The following THRB variants were observed in gnomAD, a reference collection of about 807,000 sequenced individuals.
THRB encodes thyroid hormone receptor beta, also known as nuclear receptor subfamily 1 group A member 2.
THRB carries 12 observed loss-of-function variants against 47.8 expected under a neutral mutation model. That is an observed-to-expected ratio of 0.25 (90% CI 0.16 to 0.41). THRB has a LOEUF of 0.41. Ranked by LOEUF, THRB falls within the 10% of genes least tolerant of loss-of-function variation. THRB has a pLI of 1.00. For synonymous variants in THRB, 218 were observed against 212.2 expected, an observed-to-expected ratio of 1.03 and a Z score of -0.24; for missense variants, 348 against 589.2, an observed-to-expected ratio of 0.59 and a Z score of 4.24.
intron 2 of THRB, among the ~76,000 whole-genome samples, chr3:24,320,775 G>C (rs2058434285): frequency 6.6e-6 from 1 of 152,178 alleles, no homozygotes; most frequent in Non-Finnish European, 1.5e-5. Context: ...GTGACTCATT[G>C]AACTTACCCA....
At chr3:24,276,350 C>T (rs1047545449) in intron 3 of THRB, among the ~76,000 whole-genome samples, 1 of 152,168 alleles carries the variant, frequency 6.6e-6, no homozygotes, top group Admixed American at 6.6e-5. Flanking sequence ...ATCGTGAATG[C>T]ATTCACCAAA....
intron 1 of THRB, among the ~76,000 whole-genome samples, chr3:24,417,114 A>C (rs2068806949): frequency 6.6e-6 from 1 of 151,124 alleles, no homozygotes; most frequent in African/African-American, 2.4e-5. Context: ...ACACACACAC[A>C]CACACACACA....
At chr3:24,168,815 A>G (rs1024431300) in intron 5 of THRB, among the ~76,000 whole-genome samples, 4 of 151,594 alleles carry the variant, frequency 2.6e-5, no homozygotes, top group Non-Finnish European at 5.9e-5. Context: ...AGGCAGCACA[A>G]AAGGAGGCAC....
At chr3:24,221,886 T>C (rs1322450177) in intron 4 of THRB, among the ~76,000 whole-genome samples, 6 of 152,160 alleles carry the variant, frequency 3.9e-5, no homozygotes, top group African/African-American at 1.4e-4. Flanking sequence ...GTAGTAAGTT[T>C]CTCTTCCAAG....
chr3:24,277,348 T>C (rs541881256), intron 3 of THRB, among the ~76,000 whole-genome samples: 1 of 152,284 alleles, frequency 6.6e-6, no homozygotes, highest in African/African-American at 2.4e-5. Flanking sequence ...AATCATCTGG[T>C]TCAAAATGTC....
At chr3:24,322,156 A>C (rs2149302735) in intron 2 of THRB, among the ~76,000 whole-genome samples, 1 of 152,320 alleles carries the variant, frequency 6.6e-6, no homozygotes, top group South Asian at 2.1e-4. Flanking sequence ...GAAACAAGAT[A>C]AATTTTGAGA....
At chr3:24,335,527 T>C (rs2062193927) in intron 2 of THRB, among the ~76,000 whole-genome samples, 1 of 152,210 alleles carries the variant, frequency 6.6e-6, no homozygotes, top group Non-Finnish European at 1.5e-5. Context: ...TCTTTGTTTT[T>C]ATTTTTAATG....
In THRB at chr3:24,122,346, C is replaced by T. The variant is rs916566013; in HGVS notation, c.*538G>A. 20 of 165,166 alleles carry T rather than the reference C, an allele frequency of 1.2e-4. No homozygotes were observed. The highest frequency in any genetic ancestry group is 2.2e-4 in the Admixed American group (4 of 17,920). The allele number at this position is 165,166 out of a possible 1,614,324, so 10.2% of individuals were successfully genotyped here. On this transcript the variant is annotated 3_prime_UTR_variant, in exon 11 of 11. Transcript: ENST00000646209. ...AGGACACAAATATTCCTGTACATTCCAAGTTATGCTCCTAGGAGACCATAA... is the reference window on the plus strand; with the variant it reads ...AGGACACAAATATTCCTGTACATTCTAAGTTATGCTCCTAGGAGACCATAA...
chr3:24,207,605 A>C (rs184661434), intron 4 of THRB, among the ~76,000 whole-genome samples: 6,179 of 152,056 alleles, frequency 0.041, 395 homozygotes, highest in African/African-American at 0.14. Context: ...GCACAGCCCC[A>C]TTCCTCCCCA....
intron 2 of THRB, among the ~76,000 whole-genome samples, chr3:24,304,667 A>G (rs2057209825): frequency 6.6e-6 from 1 of 152,142 alleles, no homozygotes; most frequent in African/African-American, 2.4e-5. Context: ...TGAAGAAGGA[A>G]TTAATAAAGA....
chr3:24,494,569 A>C (rs988492060), intron 1 of THRB, 83 bp downstream of exon 1: 1 of 148,686 alleles, frequency 6.7e-6, no homozygotes, highest in African/African-American at 2.5e-5. Flanking sequence ...AGCCGCCCGC[A>C]CCCCTCCGGG....
chr3:24,419,259 C>T (rs904156063), intron 1 of THRB, among the ~76,000 whole-genome samples: 1 of 152,018 alleles, frequency 6.6e-6, no homozygotes, highest in South Asian at 2.1e-4. Flanking sequence ...AGGCTCAATG[C>T]TATCCCAGGT....
At chr3:24,399,668 T>G (rs2067247055) in intron 1 of THRB, among the ~76,000 whole-genome samples, 1 of 152,080 alleles carries the variant, frequency 6.6e-6, no homozygotes, top group Non-Finnish European at 1.5e-5. Flanking sequence ...AATTTACATA[T>G]TTACAGACTC....
chr3:24,347,500 T>C (rs1034446585), intron 1 of THRB, among the ~76,000 whole-genome samples: 1 of 151,412 alleles, frequency 6.6e-6, no homozygotes, highest in Non-Finnish European at 1.5e-5. Flanking sequence ...ATCATAAACC[T>C]ATAGCCAGAT....
At chr3:24,304,565 T>C (rs753460648) in intron 2 of THRB, among the ~76,000 whole-genome samples, 1 of 152,158 alleles carries the variant, frequency 6.6e-6, no homozygotes, top group African/African-American at 2.4e-5. Context: ...CTTATAGCTA[T>C]AATAGCTTCA....
At chr3:24,128,863 C>CTTTTTTTTTTTTT (rs57890674) in intron 9 of THRB, among the ~76,000 whole-genome samples, 1,520 of 86,954 alleles carry the variant, frequency 0.017, 258 homozygotes, top group East Asian at 0.04. Flanking sequence ...AAACATAACT[C>CTTTTTTTTTTTTT]TTTTTTTTTT....
intron 2 of THRB, among the ~76,000 whole-genome samples, chr3:24,299,518 T>C (rs968077123): frequency 3.9e-5 from 6 of 151,940 alleles, no homozygotes; most frequent in Non-Finnish European, 8.8e-5. Flanking sequence ...TGCTGTATCC[T>C]ATACAATATG....
intron 3 of THRB, among the ~76,000 whole-genome samples, chr3:24,262,851 T>C (rs2052216273): frequency 6.6e-6 from 1 of 152,144 alleles, no homozygotes; most frequent in Non-Finnish European, 1.5e-5. Flanking sequence ...ATTTTTTTAT[T>C]TTTTTTTCTA....
intron 1 of THRB, among the ~76,000 whole-genome samples, chr3:24,357,366 A>AC (rs1279973239): frequency 4.1e-5 from 6 of 147,030 alleles, no homozygotes; most frequent in East Asian, 1.9e-4. Flanking sequence ...AAAAAAAAAA[A>AC]AAAAAAAACA....
Sources: allele counts gnomAD v4.1 joint callset (sites outside exome capture counted in the v4.1 genomes callset), GRCh38; gene constraint gnomAD v4.1.1; transcripts MANE v1.5; gene names NCBI Gene and HGNC (gene_info 2026-07-23, HGNC 2026-07-21).